The following TMEM68 variants were observed in gnomAD, a reference collection of about 807,000 sequenced individuals.
TMEM68 encodes the protein transmembrane protein 68.
In TMEM68, 25 loss-of-function variants were observed where a neutral mutation model predicts 36.9. That is an observed-to-expected ratio of 0.68 (90% CI 0.49 to 0.95). The LOEUF (loss-of-function observed/expected upper bound fraction) is 0.95. Ranked by LOEUF, TMEM68 falls within the 40% of genes least tolerant of loss-of-function variation. The pLI, the probability that TMEM68 is intolerant of heterozygous loss-of-function variation, is 0.00. For synonymous variants in TMEM68, 131 were observed against 124.4 expected, an observed-to-expected ratio of 1.05 and a Z score of -0.35; for missense variants, 333 against 392.0, an observed-to-expected ratio of 0.85 and a Z score of 1.27.
chr8:55,748,643 G>A (rs1563428731), intron 5 of TMEM68, among the ~76,000 whole-genome samples: 1 of 152,116 alleles, frequency 6.6e-6, no homozygotes, highest in Admixed American at 6.6e-5. Flanking sequence ...GAGCCTTACT[G>A]TCGCCCAAGC....
At chr8:55,772,610 A>G (rs974368127) in intron 1 of TMEM68, among the ~76,000 whole-genome samples, 5 of 152,218 alleles carry the variant, frequency 3.3e-5, no homozygotes, top group Admixed American at 3.3e-4. Flanking sequence ...CCAACGATTA[A>G]GCGCACAAAG....
intron 1 of TMEM68, among the ~76,000 whole-genome samples, chr8:55,768,283 C>G (rs1203660640): frequency 6.6e-6 from 1 of 152,108 alleles, no homozygotes; most frequent in Non-Finnish European, 1.5e-5. Context: ...CCCCTTTACC[C>G]TTGAAGTTCA....
chr8:55,761,515 T>C (rs545901816), intron 3 of TMEM68: 1 of 152,360 alleles, frequency 6.6e-6, no homozygotes, highest in South Asian at 2.1e-4. Context: ...TCTGGGGTTG[T>C]AACCTGGCCC....
chr8:55,770,008 T>G (rs184406230), intron 1 of TMEM68, among the ~76,000 whole-genome samples: 6 of 152,258 alleles, frequency 3.9e-5, no homozygotes, highest in Non-Finnish European at 8.8e-5. Context: ...TCAGAGGAAT[T>G]TGAATAAAAT....
intron 6 of TMEM68, 136 bp downstream of exon 6, chr8:55,744,925 C>G: frequency 5.8e-6 from 3 of 521,084 alleles, no homozygotes; most frequent in Non-Finnish European, 9.3e-6. Flanking sequence ...ATCATTTGGA[C>G]TTTAAACAGA....
chr8:55,765,806 C>G (rs146832774), intron 1 of TMEM68, among the ~76,000 whole-genome samples: 1 of 152,318 alleles, frequency 6.6e-6, no homozygotes, highest in East Asian at 1.9e-4. Context: ...AGGAGCCAGA[C>G]TGAACATACT....
At chr8:55,758,195 T>G (rs939621106) in intron 3 of TMEM68, among the ~76,000 whole-genome samples, 1 of 152,126 alleles carries the variant, frequency 6.6e-6, no homozygotes. Flanking sequence ...AAGATAACAG[T>G]AGGAGTCTGA....
chr8:55,759,597 A>T (rs988402475), intron 3 of TMEM68, among the ~76,000 whole-genome samples: 1 of 151,914 alleles, frequency 6.6e-6, no homozygotes, highest in African/African-American at 2.4e-5. Flanking sequence ...AATATAAATA[A>T]AACTAAAAAA....
intron 4 of TMEM68, 76 bp downstream of exon 4, chr8:55,756,168 T>G: frequency 7.4e-7 from 1 of 1,344,072 alleles, no homozygotes; most frequent in Non-Finnish European, 1.0e-6. Context: ...GTTAGAGAGC[T>G]CAGGATAGAG....
At chr8:55,772,672 G>A (rs1811218452) in intron 1 of TMEM68, among the ~76,000 whole-genome samples, 1 of 152,226 alleles carries the variant, frequency 6.6e-6, no homozygotes, top group African/African-American at 2.4e-5. Context: ...GCCTCATGTA[G>A]TAGTTACTAT....
chr8:55,758,269 A>C (rs758839630), intron 3 of TMEM68, among the ~76,000 whole-genome samples: 1 of 152,212 alleles, frequency 6.6e-6, no homozygotes, highest in Non-Finnish European at 1.5e-5. Context: ...TTCACTCAGT[A>C]GATTGAATCC....
At chr8:55,771,515 G>T (rs1811164532) in intron 1 of TMEM68, among the ~76,000 whole-genome samples, 1 of 152,190 alleles carries the variant, frequency 6.6e-6, no homozygotes, top group African/African-American at 2.4e-5. Context: ...TACTCGGGGG[G>T]CTGAGGTAGG....
At position 55,762,863 on chromosome 8, in the gene TMEM68, G is replaced by A. The variant is rs376123768; in HGVS notation, c.97C>T (p.Gln33Ter). 2 of 1,614,042 alleles carry A rather than the reference G, an allele frequency of 1.2e-6. No homozygotes were observed. The highest frequency in any genetic ancestry group is 1.7e-6 in the Non-Finnish European group (2 of 1,180,036). The change falls in exon 3 of 8, where the codon CAG becomes TAG. Residue 33 changes from glutamine to a stop codon, truncating the protein, a stop_gained. Transcript: ENST00000434581. LOFTEE classifies it high-confidence loss of function. Reference protein sequence around the residue: ...HILEEWFGVEQLEDYLNFANY... With the variant: ...HILEEWFGVE ...GCAAAATTCAAATAGTCCTCCAACT[G>A]CTCCACACCAAACCATTCTTCGAGT...
chr8:55,743,751 T>C (rs1810178942), intron 6 of TMEM68, 131 bp from the exon 7 acceptor site: 2 of 749,356 alleles, frequency 2.7e-6, no homozygotes, highest in African/African-American at 1.8e-5. Context: ...ATTAATACAA[T>C]TTTTTTAAAA....
At chr8:55,770,449 A>T (rs1811118038) in intron 1 of TMEM68, among the ~76,000 whole-genome samples, 2 of 152,154 alleles carry the variant, frequency 1.3e-5, no homozygotes, top group South Asian at 4.1e-4. Context: ...CCAAGGTGGA[A>T]GGACTGCTTG....
rs374056110 is a variant in TMEM68, at chr8:55,773,351, C to T, written c.-197G>A. ...TGCACGGCGGATTCCTCCGAAGCAACCCGTGTGAAAGAAGCCAAGCGGCGG... is the reference window on the plus strand; with the variant it reads ...TGCACGGCGGATTCCTCCGAAGCAATCCGTGTGAAAGAAGCCAAGCGGCGG... On this transcript the variant is annotated 5_prime_UTR_variant, in exon 1 of 8. Coordinates refer to ENST00000434581, the MANE Select transcript of TMEM68 (RefSeq NM_001286657.2). The T allele has an allele frequency of 9.7e-5, 35 of 362,380 alleles. No homozygotes were observed. The highest frequency in any genetic ancestry group is 6.9e-4 in the East Asian group (14 of 20,198). 22.4% of individuals were successfully genotyped at this position (362,380 alleles called of 1,614,324 possible). A position where few individuals can be genotyped will look rare whatever the true frequency, so the allele number is the denominator to read the frequency against.
chr8:55,761,489 T>C (rs1446640237), intron 3 of TMEM68: 1 of 152,186 alleles, frequency 6.6e-6, no homozygotes, highest in African/African-American at 2.4e-5. Context: ...CTCTCTCAAA[T>C]GTATACTCCC....
chr8:55,751,804 G>A (rs566520725), intron 4 of TMEM68, among the ~76,000 whole-genome samples: 2 of 152,130 alleles, frequency 1.3e-5, no homozygotes, highest in Non-Finnish European at 2.9e-5. Context: ...AAATAATCCT[G>A]TTAGTAATTA....
chr8:55,751,895 C>T (rs146023674), intron 4 of TMEM68, among the ~76,000 whole-genome samples: 3 of 152,168 alleles, frequency 2.0e-5, no homozygotes, highest in South Asian at 2.1e-4. Flanking sequence ...GGAAATATAG[C>T]GATGCATTTG....
Sources: allele counts gnomAD v4.1 joint callset (sites outside exome capture counted in the v4.1 genomes callset), GRCh38; gene constraint gnomAD v4.1.1; transcripts MANE v1.5; gene names NCBI Gene and HGNC (gene_info 2026-07-23, HGNC 2026-07-21).